STOX1: variants seen among roughly 807,000 people sequenced by gnomAD.
STOX1 encodes storkhead box 1, also known as storkhead-box protein 1.
STOX1 carries 57 observed loss-of-function variants against 74.8 expected under a neutral mutation model. The observed-to-expected ratio is 0.76, with a 90% CI of 0.62 to 0.95. The LOEUF is 0.95. Ranked by LOEUF, STOX1 falls within the 40% of genes least tolerant of loss-of-function variation. The probability of loss-of-function intolerance (pLI) is 0.00; values close to 1 mark genes in which losing one functional copy is unlikely to be tolerated. For missense variants in STOX1, 1,010 were observed against 1,117.0 expected (o/e 0.90, Z 1.37); for synonymous variants, 375 against 401.3 (o/e 0.93, Z 0.78).
chr10:68,860,961 C>T (rs1411989503), intron 1 of STOX1, among the ~76,000 whole-genome samples: 1 of 152,114 alleles, frequency 6.6e-6, no homozygotes, highest in East Asian at 1.9e-4. Context: ...GTAATCCCAG[C>T]TCTTTGGGAG....
In STOX1 at chr10:68,886,411, A is replaced by T; in HGVS notation, c.2615A>T (p.Asp872Val). 1 of 1,614,256 alleles carries T rather than the reference A, an allele frequency of 6.2e-7. No individual in the cohort carries two copies. Among genetic ancestry groups the T allele is most frequent in the Non-Finnish European group, 8.5e-7 (1 of 1,180,040 alleles). The change falls in exon 3 of 4, where the codon GAC (aspartate) becomes GTC (valine). Residue 872 changes from aspartate to valine, a missense_variant. By Grantham distance (152) the Asp-to-Val change is radical (BLOSUM62 -3). Transcript: ENST00000298596. ...KASFEAEVIQ[D>V]TIGDTGKKPA... is the part of the protein sequence containing the mutation. The stretch of plus-strand genomic sequence containing the variant: ...AGTTTTGAAGCTGAAGTCATACAAG[A>T]CACTATTGGTGACACAGGAAAGAAG...
At chr10:68,836,368 A>C (rs1217838867) in intron 1 of STOX1, among the ~76,000 whole-genome samples, 1 of 152,196 alleles carries the variant, frequency 6.6e-6, no homozygotes, top group African/African-American at 2.4e-5. Context: ...TAACAAATAC[A>C]AGGCAATTTC....
intron 1 of STOX1, among the ~76,000 whole-genome samples, chr10:68,860,433 C>T (rs1840236608): frequency 6.6e-6 from 1 of 150,584 alleles, no homozygotes; most frequent in Non-Finnish European, 1.5e-5. Flanking sequence ...ATTAGCCAGG[C>T]ATGGCAGGAG....
At chr10:68,865,026 T>A (rs948995774) in intron 1 of STOX1, among the ~76,000 whole-genome samples, 10 of 152,146 alleles carry the variant, frequency 6.6e-5, no homozygotes, top group African/African-American at 2.4e-4. Context: ...TGCCAGGAGC[T>A]ATAATTAAAC....
At chr10:68,852,005 A>G (rs994551071) in intron 1 of STOX1, among the ~76,000 whole-genome samples, 3 of 151,962 alleles carry the variant, frequency 2.0e-5, no homozygotes, top group Non-Finnish European at 2.9e-5. Flanking sequence ...GTGGTGGTGA[A>G]TGCCTGTAAT....
chr10:68,887,137 TTGAC>T (rs1840983516), intron 3 of STOX1, among the ~76,000 whole-genome samples: 1 of 152,150 alleles, frequency 6.6e-6, no homozygotes, highest in Non-Finnish European at 1.5e-5. Context: ...TGAACCAAAT[TTGAC>T]TGTCCCCACT....
intron 3 of STOX1, among the ~76,000 whole-genome samples, chr10:68,892,308 A>G (rs1430923227): frequency 7.6e-6 from 1 of 131,486 alleles, no homozygotes; most frequent in Non-Finnish European, 1.6e-5. Flanking sequence ...CGGGGAACTT[A>G]CTGTTTCTGA....
chr10:68,872,149 G>A (rs964428746), intron 1 of STOX1, among the ~76,000 whole-genome samples: 4 of 152,012 alleles, frequency 2.6e-5, no homozygotes, highest in African/African-American at 9.7e-5. Flanking sequence ...TCATGTGTCT[G>A]GGTAATTAGT....
chr10:68,845,776 A>G (rs1302394733), intron 1 of STOX1, among the ~76,000 whole-genome samples: 1 of 150,372 alleles, frequency 6.7e-6, no homozygotes, highest in African/African-American at 2.5e-5. Flanking sequence ...TAATTTTTGT[A>G]TTTTTAGTAG....
At chr10:68,881,256 A>G (rs935673788) in intron 1 of STOX1, among the ~76,000 whole-genome samples, 32 of 152,324 alleles carry the variant, frequency 2.1e-4, no homozygotes, top group African/African-American at 6.7e-4. Context: ...GAAAGACAAT[A>G]TAGTCTAGCT....
intron 1 of STOX1, among the ~76,000 whole-genome samples, chr10:68,878,183 C>T (rs1840725435): frequency 6.6e-6 from 1 of 152,088 alleles, no homozygotes; most frequent in African/African-American, 2.4e-5. Context: ...CTTAAAGCCA[C>T]TTATTTTAAC....
intron 1 of STOX1, among the ~76,000 whole-genome samples, chr10:68,853,048 G>A (rs553691851): frequency 1.1e-3 from 162 of 151,532 alleles, no homozygotes; most frequent in African/African-American, 3.7e-3. Flanking sequence ...TCAGCCTCCC[G>A]AGTAGCTGGG....
chr10:68,866,862 C>G (rs993838655), intron 1 of STOX1, among the ~76,000 whole-genome samples: 1 of 151,838 alleles, frequency 6.6e-6, no homozygotes, highest in African/African-American at 2.4e-5. Context: ...GGGCCCAGGA[C>G]GGGCCTCTCA....
At chr10:68,878,944 A>G (rs1589234480) in intron 1 of STOX1, among the ~76,000 whole-genome samples, 1 of 151,496 alleles carries the variant, frequency 6.6e-6, no homozygotes, top group Admixed American at 6.6e-5. Flanking sequence ...GCTGTCATTA[A>G]CACCCTAACC....
intron 1 of STOX1, chr10:68,828,864 G>A (rs762928087): frequency 1.6e-4 from 88 of 546,628 alleles, no homozygotes; most frequent in Non-Finnish European, 2.0e-4. Flanking sequence ...CACCTTCCCA[G>A]TCTTTTCAAA....
At chr10:68,869,219 C>A (rs1840478798) in intron 1 of STOX1, among the ~76,000 whole-genome samples, 1 of 152,234 alleles carries the variant, frequency 6.6e-6, no homozygotes. Flanking sequence ...TCTTAACCAA[C>A]TGCTGCTCTT....
At chr10:68,836,647 CA>C (rs1839562225) in intron 1 of STOX1, among the ~76,000 whole-genome samples, 1 of 152,156 alleles carries the variant, frequency 6.6e-6, no homozygotes, top group Non-Finnish European at 1.5e-5. Context: ...CCTGAGTTTG[CA>C]ACCAACCCTG....
At chr10:68,892,033 C>A (rs770198050) in intron 3 of STOX1, among the ~76,000 whole-genome samples, 1 of 151,920 alleles carries the variant, frequency 6.6e-6, no homozygotes, top group African/African-American at 2.4e-5. Context: ...GTTGTCCAGG[C>A]TAGTCTCAAA....
intron 1 of STOX1, among the ~76,000 whole-genome samples, chr10:68,841,705 T>C (rs550726837): frequency 3.3e-5 from 5 of 152,278 alleles, no homozygotes; most frequent in African/African-American, 1.2e-4. Flanking sequence ...GTTTCATGAG[T>C]GCAGAGGCTT....
Sources: allele counts gnomAD v4.1 joint callset (sites outside exome capture counted in the v4.1 genomes callset), GRCh38; gene constraint gnomAD v4.1.1; transcripts MANE v1.5; gene names NCBI Gene and HGNC (gene_info 2026-07-23, HGNC 2026-07-21).